Variants in MAPK1IP1L observed in about 807,000 individuals in gnomAD.
MAPK1IP1L encodes mitogen-activated protein kinase 1 interacting protein 1 like.
In MAPK1IP1L, 10 loss-of-function variants were observed where a neutral mutation model predicts 18.1. The observed-to-expected ratio is 0.55, with a 90% CI of 0.34 to 0.94. The LOEUF (loss-of-function observed/expected upper bound fraction) is 0.94. Among genes scored for constraint, MAPK1IP1L ranks in the 40% least tolerant of loss-of-function variants. The probability of loss-of-function intolerance (pLI) is 0.02; values close to 1 mark genes in which losing one functional copy is unlikely to be tolerated. For missense variants in MAPK1IP1L, 260 were observed against 318.2 expected (o/e 0.82, Z 1.39); for synonymous variants, 115 against 117.3 (o/e 0.98, Z 0.13).
intron 1 of MAPK1IP1L, among the ~76,000 whole-genome samples, chr14:55,058,105 G>GA (rs1201665286): frequency 1.3e-5 from 2 of 152,192 alleles, no homozygotes; most frequent in Non-Finnish European, 2.9e-5. Flanking sequence ...CCAGCACAGG[G>GA]TGCTCTCACC....
chr14:55,067,189 C>A lies in MAPK1IP1L; in HGVS notation c.*2562C>A, dbSNP rs1323141644. Reference sequence around the variant, plus strand: ...AAAGTGCTGGGATTACAGGCGTGAGCCACCACGTCCGGCCGATTTTTTTTT... The same window carrying A: ...AAAGTGCTGGGATTACAGGCGTGAGACACCACGTCCGGCCGATTTTTTTTT... On this transcript the variant is annotated 3_prime_UTR_variant, in exon 4 of 4. Coordinates refer to ENST00000395468, the MANE Select transcript of MAPK1IP1L (RefSeq NM_144578.4). 7.0e-6 allele frequency: 1 copy of A among 143,564 alleles called. No homozygotes were observed. The highest frequency in any genetic ancestry group is 1.5e-5 in the Non-Finnish European group (1 of 66,602). 8.9% of individuals were successfully genotyped at this position (143,564 alleles called of 1,614,324 possible).
chr14:55,052,116 G>A lies in MAPK1IP1L; in HGVS notation c.-5+313G>A, dbSNP rs868660502. 7.8e-3 allele frequency among the ~76,000 whole-genome samples: 1,165 copies of A among 148,826 alleles called. 7 individuals carry two copies. The highest frequency in any genetic ancestry group is 0.027 in the African/African-American group (1,093 of 40,394). On this transcript the variant is annotated intron_variant, in intron 1 of 3. Transcript: ENST00000395468. ...TGCGGGGCGGGGCGGGCGCGGGCCG[G>A]CCCCTCCCCCACCCCTTCCCGGCGG...
chr14:55,056,779 G>T (rs549129671), intron 1 of MAPK1IP1L, among the ~76,000 whole-genome samples: 1 of 152,318 alleles, frequency 6.6e-6, no homozygotes, highest in South Asian at 2.1e-4. Context: ...AAAGTGCTGG[G>T]ATTACAGGCG....
chr14:55,066,827 C>T lies in MAPK1IP1L; in HGVS notation c.*2200C>T, dbSNP rs186118265. 2 of 152,198 alleles carry T rather than the reference C, an allele frequency of 1.3e-5. No homozygotes were observed. The allele number at this position is 152,198 out of a possible 1,614,324, so 9.4% of individuals were successfully genotyped here. A position where few individuals can be genotyped will look rare whatever the true frequency, so the allele number is the denominator to read the frequency against. On this transcript the variant is annotated 3_prime_UTR_variant, in exon 4 of 4. Transcript: ENST00000395468. ...AATTTTGCTAGTGACCCATACTGTCCAGTGTGCCCTAAATCATACTGCTAT... is the reference window on the plus strand; with the variant it reads ...AATTTTGCTAGTGACCCATACTGTCTAGTGTGCCCTAAATCATACTGCTAT...
chr14:55,064,326 C>T (rs746388150), intron 3 of MAPK1IP1L, among the ~76,000 whole-genome samples: 8 of 151,818 alleles, frequency 5.3e-5, no homozygotes, highest in African/African-American at 7.3e-5. Flanking sequence ...ACTCTTAGTA[C>T]GAAAATAACT....
At chr14:55,055,486 G>A (rs1219402526) in intron 1 of MAPK1IP1L, among the ~76,000 whole-genome samples, 2 of 152,146 alleles carry the variant, frequency 1.3e-5, no homozygotes, top group African/African-American at 2.4e-5. Flanking sequence ...CACTGCCGAA[G>A]CCTAAGTATA....
intron 1 of MAPK1IP1L, among the ~76,000 whole-genome samples, chr14:55,059,701 G>A (rs931702880): frequency 2.6e-5 from 4 of 152,192 alleles, no homozygotes; most frequent in African/African-American, 7.2e-5. Flanking sequence ...CATTAGCTCT[G>A]GGACCTTAAA....
intron 3 of MAPK1IP1L, 97 bp downstream of exon 3, chr14:55,063,422 T>C (rs1422683195): frequency 3.6e-6 from 4 of 1,098,808 alleles, no homozygotes; most frequent in African/African-American, 1.6e-5. Flanking sequence ...AGAAGGCTTT[T>C]AAGTTTTTAA....
chr14:55,054,854 T>C (rs1001913667), intron 1 of MAPK1IP1L, among the ~76,000 whole-genome samples: 3 of 152,240 alleles, frequency 2.0e-5, no homozygotes, highest in Admixed American at 2.0e-4. Context: ...AAAAATGTTA[T>C]GTTTTACTTT....
In MAPK1IP1L at chr14:55,066,408, C is replaced by G. The variant is rs1164066650; in HGVS notation, c.*1781C>G. The G allele has an allele frequency of 6.9e-6, 1 of 145,804 alleles. No individual in the cohort carries two copies. The highest frequency in any genetic ancestry group is 2.1e-4 in the South Asian group (1 of 4,760). The allele number at this position is 145,804 out of a possible 1,614,324, so 9.0% of individuals were successfully genotyped here. On this transcript the variant is annotated 3_prime_UTR_variant, in exon 4 of 4. Transcript: ENST00000395468. ...GCGGAATGTTGTTAGCTTTTTCTTT[C>G]ACTTCTCTTCAAGGACAGGTGTTAG...
intron 3 of MAPK1IP1L, 27 bp from the exon 4 acceptor site, chr14:55,064,589 G>A (rs758710212): frequency 6.2e-7 from 1 of 1,610,838 alleles, no homozygotes; most frequent in Non-Finnish European, 8.5e-7. Flanking sequence ...AAATCTAGAA[G>A]TTGACTTTTT....
At chr14:55,055,290 A>T (rs535098527) in intron 1 of MAPK1IP1L, among the ~76,000 whole-genome samples, 1 of 152,290 alleles carries the variant, frequency 6.6e-6, no homozygotes, top group South Asian at 2.1e-4. Context: ...TAGAAAACCT[A>T]AACTTTTTAT....
rs901589881 is a variant in MAPK1IP1L at position 55,067,412 on chromosome 14, T to TTTTC, written c.*2789_*2792dup. ...AGCATCAAGAAAGGCTTTTTTCCTT[T>TTTTC]TTTCTTTTTTTTTTGGAGACAGAGT... On this transcript the variant is annotated 3_prime_UTR_variant, in exon 4 of 4. Transcript: ENST00000395468. 2.6e-5 allele frequency: 4 copies of TTTTC among 151,504 alleles called. No homozygotes were observed. The highest frequency in any genetic ancestry group is 4.4e-5 in the Non-Finnish European group (3 of 67,930). The allele number at this position is 151,504 out of a possible 1,614,324, so 9.4% of individuals were successfully genotyped here. A position where few individuals can be genotyped will look rare whatever the true frequency, so the allele number is the denominator to read the frequency against.
rs1043504855 is a variant in MAPK1IP1L at position 55,069,603 on chromosome 14, C to T, written c.*4976C>T. The T allele has an allele frequency of 3.9e-5, 6 of 152,326 alleles. No homozygotes were observed. In the South Asian group the frequency reaches 1.2e-3, roughly 32 times the overall value. The allele number at this position is 152,326 out of a possible 1,614,324, so 9.4% of individuals were successfully genotyped here. On this transcript the variant is annotated 3_prime_UTR_variant, in exon 4 of 4. Coordinates refer to ENST00000395468, the MANE Select transcript of MAPK1IP1L (RefSeq NM_144578.4). Reference sequence around the variant, plus strand: ...CAATTCTGGGCTTCTCTGAGCAAGTCCAGAGCCTAATTAACTGTAAATTTG... The same window carrying T: ...CAATTCTGGGCTTCTCTGAGCAAGTTCAGAGCCTAATTAACTGTAAATTTG...
At chr14:55,052,131 C>G (rs2042734160) in intron 1 of MAPK1IP1L, among the ~76,000 whole-genome samples, 1 of 150,580 alleles carries the variant, frequency 6.6e-6, no homozygotes, top group South Asian at 2.2e-4. Flanking sequence ...TCCCCCACCC[C>G]TTCCCGGCGG....
intron 1 of MAPK1IP1L, among the ~76,000 whole-genome samples, chr14:55,057,960 T>G (rs1310783757): frequency 6.6e-6 from 1 of 152,082 alleles, no homozygotes; most frequent in Non-Finnish European, 1.5e-5. Flanking sequence ...GAATGTGAGC[T>G]GTGTATACAT....
intron 1 of MAPK1IP1L, among the ~76,000 whole-genome samples, chr14:55,055,800 C>T (rs148320104): frequency 0.029 from 4,417 of 152,140 alleles, 82 homozygotes; most frequent in South Asian, 0.061. Context: ...CGTGGTGGCA[C>T]GTGCCTATAA....
chr14:55,057,497 G>A (rs550347267), intron 1 of MAPK1IP1L, among the ~76,000 whole-genome samples: 17 of 152,248 alleles, frequency 1.1e-4, no homozygotes, highest in Admixed American at 5.9e-4. Context: ...AGTGGCTCAC[G>A]CCTGTAATCC....
rs1393082500 is a variant in MAPK1IP1L, at chr14:55,063,131, C to T, written c.532C>T (p.Pro178Ser). ...ATCTCCAGGCCCATATCCCGCTCCT[C>T]CTCCTCCCCAAGCCCCTGGGGCAGC... is the stretch of plus-strand genomic sequence containing the variant. ...YPSPGPYPAP[P>S]PPQAPGAAPP... The change falls in exon 3 of 4, where the codon CCT becomes TCT. Residue 178 changes from proline (P) to serine (S), a missense_variant. Coordinates refer to ENST00000395468, the MANE Select transcript of MAPK1IP1L (RefSeq NM_144578.4). The T allele has an allele frequency of 1.2e-6, 2 of 1,613,804 alleles. No homozygotes were observed. Among genetic ancestry groups the T allele is most frequent in the Non-Finnish European group, 1.7e-6 (2 of 1,180,046 alleles).
Sources: gnomAD v4.1 joint callset for allele counts (sites outside exome capture counted in the v4.1 genomes callset) on GRCh38, gnomAD v4.1.1 for gene constraint, MANE v1.5 for transcripts, NCBI Gene and HGNC (gene_info 2026-07-23, HGNC 2026-07-21) for gene names.